Variants in COL22A1 observed in about 807,000 individuals in gnomAD.
COL22A1 encodes the protein collagen type XXII alpha 1 chain.
Under a neutral mutation model 248.9 loss-of-function variants are expected in COL22A1, and 221 were observed. The ratio of observed to expected loss-of-function variants is 0.89; its 90% CI spans 0.80 to 0.99. COL22A1 has a LOEUF of 0.99. Ranked by LOEUF, COL22A1 falls within the 50% of genes least tolerant of loss-of-function variation. The probability of loss-of-function intolerance (pLI) is 0.00; values close to 1 mark genes in which losing one functional copy is unlikely to be tolerated. For synonymous variants in COL22A1, 891 were observed against 793.4 expected (o/e 1.12, Z -2.07); for missense variants, 2,240 against 2,179.0 (o/e 1.03, Z -0.56).
chr8:138,589,702 A>ATT (rs1816877223), intron 64 of COL22A1, among the ~76,000 whole-genome samples: 1 of 152,156 alleles, frequency 6.6e-6, no homozygotes, highest in Non-Finnish European at 1.5e-5. Flanking sequence ...GAGAGAAAGA[A>ATT]ACAAGGGTAG....
intron 41 of COL22A1, among the ~76,000 whole-genome samples, chr8:138,672,430 TG>T (rs754923057): frequency 6.6e-6 from 1 of 151,924 alleles, no homozygotes; most frequent in African/African-American, 2.4e-5. Context: ...GGTGGGGGGA[TG>T]AAAAAAAAAC....
chr8:138,867,303 A>G (rs990372168), intron 3 of COL22A1, among the ~76,000 whole-genome samples: 5 of 152,312 alleles, frequency 3.3e-5, no homozygotes, highest in Non-Finnish European at 4.4e-5. Context: ...CCAGTTCCCC[A>G]TGCAGAACTC....
intron 53 of COL22A1, among the ~76,000 whole-genome samples, chr8:138,618,500 A>G (rs1397534699): frequency 6.6e-6 from 1 of 152,128 alleles, no homozygotes; most frequent in African/African-American, 2.4e-5. Flanking sequence ...TAAATTGATC[A>G]CTAGCTCAGT....
At chr8:138,797,045 A>G (rs1417252411) in intron 11 of COL22A1, among the ~76,000 whole-genome samples, 188 bp from the exon 12 acceptor site, 1 of 152,148 alleles carries the variant, frequency 6.6e-6, no homozygotes, top group East Asian at 1.9e-4. Flanking sequence ...ATCTCACTTA[A>G]TGTTTCCAAT....
intron 61 of COL22A1, 146 bp downstream of exon 61, chr8:138,598,572 AG>A: frequency 1.4e-6 from 1 of 695,378 alleles, no homozygotes; most frequent in East Asian, 2.8e-5. Flanking sequence ...GCAGATTCAG[AG>A]AGGAAAAGTA....
chr8:138,826,247 C>A (rs974612762), intron 6 of COL22A1, among the ~76,000 whole-genome samples: 2 of 152,138 alleles, frequency 1.3e-5, no homozygotes, highest in African/African-American at 4.8e-5. Flanking sequence ...AGGACCCACA[C>A]GAATGAAGGA....
chr8:138,819,294 T>C (rs983176685), intron 7 of COL22A1, among the ~76,000 whole-genome samples: 1 of 152,110 alleles, frequency 6.6e-6, no homozygotes, highest in African/African-American at 2.4e-5. Context: ...AATAAGCAAT[T>C]AGTATACAAA....
rs1179289825 is a variant in COL22A1 at position 138,762,340 on chromosome 8, T to A, written c.1857+73A>T. 4 of 1,470,192 alleles carry A rather than the reference T, an allele frequency of 2.7e-6. No individual in the cohort carries two copies. In the African/African-American group the frequency reaches 4.2e-5, roughly 15 times the overall value. The allele number at this position is 1,470,192 out of a possible 1,614,324, so 91.1% of individuals were successfully genotyped here. ...CAGGTGCTGAGGCTCTGTGGAGCTT[T>A]ATGTGGGGTCTGGTCATTCCCATCC... On this transcript the variant is annotated intron_variant, in intron 17 of 64. Transcript: ENST00000303045.
Position 138,796,818 on chromosome 8 carries a change from C to A in COL22A1, c.1596+1G>T. On this transcript the variant is annotated splice_donor_variant, in intron 12 of 64. Coordinates refer to ENST00000303045, the MANE Select transcript of COL22A1 (RefSeq NM_152888.3). LOFTEE classifies it high-confidence loss of function. Reference sequence around the variant, plus strand: ...GAGTGTGATAAAAGGAAGATGCTTACCTTTTCACCCTTTTCCCCTTGGCCA... The same window carrying A: ...GAGTGTGATAAAAGGAAGATGCTTAACTTTTCACCCTTTTCCCCTTGGCCA... 2 of 1,595,576 alleles carry A rather than the reference C, an allele frequency of 1.3e-6. No homozygotes were observed. Among genetic ancestry groups the A allele is most frequent in the South Asian group, 2.2e-5 (2 of 90,644 alleles).
intron 37 of COL22A1, among the ~76,000 whole-genome samples, chr8:138,685,728 C>T (rs1389509161): frequency 2.0e-5 from 3 of 152,198 alleles, no homozygotes; most frequent in Non-Finnish European, 4.4e-5. Flanking sequence ...GGAACAAATG[C>T]TTCCTTCACA....
chr8:138,670,138 T>C (rs11782917), intron 41 of COL22A1, among the ~76,000 whole-genome samples: 100,354 of 152,002 alleles, frequency 0.66, 33,912 homozygotes, highest in Non-Finnish European at 0.74. Flanking sequence ...TCACCTGCCT[T>C]GGCCTCCCAA....
chr8:138,795,228 G>A (rs1816402647), intron 12 of COL22A1, among the ~76,000 whole-genome samples: 1 of 152,222 alleles, frequency 6.6e-6, no homozygotes, highest in African/African-American at 2.4e-5. Context: ...GCTCAAAACT[G>A]ATGGCAGAGC....
chr8:138,718,409 T>A (rs1829610317), intron 27 of COL22A1, among the ~76,000 whole-genome samples: 2 of 150,580 alleles, frequency 1.3e-5, no homozygotes, highest in Admixed American at 6.6e-5. Flanking sequence ...GAGTTTGGTT[T>A]AAAAAAAAAA....
At chr8:138,805,253 GA>G (rs1817411388) in intron 10 of COL22A1, among the ~76,000 whole-genome samples, 1 of 131,800 alleles carries the variant, frequency 7.6e-6, no homozygotes, top group East Asian at 2.3e-4. Context: ...GGTGTCTGAT[GA>G]TGTGAGCATG....
chr8:138,825,794 A>T (rs1005029387), intron 6 of COL22A1: 2 of 152,216 alleles, frequency 1.3e-5, no homozygotes, highest in African/African-American at 4.8e-5. Flanking sequence ...AAAAGTGAGT[A>T]ATATCTTCAT....
intron 7 of COL22A1, 115 bp downstream of exon 7, chr8:138,821,021 G>A (rs192362541): frequency 8.6e-7 from 1 of 1,169,516 alleles, no homozygotes; most frequent in East Asian, 2.5e-5. Flanking sequence ...ACGGTCCAAG[G>A]TGATGATTTG....
At position 138,774,311 on chromosome 8, in the gene COL22A1, T is replaced by G. The variant is rs545549539; in HGVS notation, c.1803+1655A>C. Among the ~76,000 whole-genome samples, 36 of 152,230 alleles carry G rather than the reference T, an allele frequency of 2.4e-4. 1 individual carries two copies. The South Asian group carries it at 7.5e-3, about 32-fold the overall frequency. On this transcript the variant is annotated intron_variant, in intron 16 of 64. Transcript: ENST00000303045. Reference sequence around the variant, plus strand: ...CGAGCCACAGACAGATTCATTTGCTTTGACCAGTAATTTCACTTCTGGGAA... The same window carrying G: ...CGAGCCACAGACAGATTCATTTGCTGTGACCAGTAATTTCACTTCTGGGAA...
At chr8:138,618,851 A>AT (rs1415892050) in intron 53 of COL22A1, among the ~76,000 whole-genome samples, 6 of 152,178 alleles carry the variant, frequency 3.9e-5, no homozygotes, top group Non-Finnish European at 7.3e-5. Flanking sequence ...CATAGAGTTC[A>AT]TTTTTGTAGG....
At chr8:138,904,054 C>T (rs567877737) in intron 1 of COL22A1, among the ~76,000 whole-genome samples, 3 of 152,238 alleles carry the variant, frequency 2.0e-5, no homozygotes, top group East Asian at 1.9e-4. Flanking sequence ...TTTCCCTATC[C>T]CCGCTTTTTA....
Sources: allele counts gnomAD v4.1 joint callset (sites outside exome capture counted in the v4.1 genomes callset), GRCh38; gene constraint gnomAD v4.1.1; transcripts MANE v1.5; gene names NCBI Gene and HGNC (gene_info 2026-07-23, HGNC 2026-07-21).